The following LRRC45 variants were observed in gnomAD, a reference collection of about 807,000 sequenced individuals.
LRRC45 encodes leucine rich repeat containing 45.
Under a neutral mutation model 85.4 loss-of-function variants are expected in LRRC45, and 73 were observed. The observed-to-expected ratio is 0.85, with a 90% CI of 0.71 to 1.04. LRRC45 has a LOEUF of 1.04. Ranked by LOEUF, LRRC45 falls within the 50% of genes least tolerant of loss-of-function variation. The pLI, the probability that LRRC45 is intolerant of heterozygous loss-of-function variation, is 0.00. For missense variants in LRRC45, 937 were observed against 883.3 expected (o/e 1.06, Z -0.77); for synonymous variants, 429 against 386.0 (o/e 1.11, Z -1.31).
Position 82,030,450 on chromosome 17 carries a change from G to A in LRRC45, c.1800G>A (p.Leu600=). ...QEALREKAAA[L]ERQLKVMASD... is the part of the protein sequence containing the mutation. ...CGCTGAGGGAGAAGGCGGCGGCCCT[G>A]GAGCGCCAGCTGAAAGGTGAGCCAG... The change falls in exon 16 of 17, where the codon CTG becomes CTA. Residue 600 remains leucine, a synonymous_variant. Transcript: ENST00000306688. The A allele has an allele frequency of 6.5e-7, 1 of 1,546,122 alleles. No individual in the cohort carries two copies. The highest frequency in any genetic ancestry group is 1.8e-4 in the Middle Eastern group (1 of 5,524).
chr17:82,025,574 G>T, intron 5 of LRRC45, 67 bp downstream of exon 5: 1 of 1,463,056 alleles, frequency 6.8e-7, no homozygotes, highest in South Asian at 1.5e-5. Context: ...CGAGGGCGGG[G>T]TGCCGGGCTC....
At chr17:82,027,937 G>A (rs895528955) in intron 8 of LRRC45, 74 bp from the exon 9 acceptor site, 1 of 1,544,000 alleles carries the variant, frequency 6.5e-7, no homozygotes, top group African/African-American at 1.4e-5. Flanking sequence ...CCCAGCAACA[G>A]TGAAAGCAGC....
rs2043416360 is a variant in LRRC45, at chr17:82,030,944, G to GT, written c.*140dup. On this transcript the variant is annotated 3_prime_UTR_variant, in exon 17 of 17. Coordinates refer to ENST00000306688, the MANE Select transcript of LRRC45 (RefSeq NM_144999.4). Reference sequence around the variant, plus strand: ...GCGGCGGTTGCGGCGACTGTTGGTGGTGTCGCGGCTGCGGGGGAACCCCGT... The same window carrying GT: ...GCGGCGGTTGCGGCGACTGTTGGTGGTTGTCGCGGCTGCGGGGGAACCCCGT... 3.2e-6 allele frequency: 2 copies of GT among 621,934 alleles called. No individual in the cohort carries two copies. The highest frequency in any genetic ancestry group is 1.6e-4 in the South Asian group (2 of 12,478). 38.5% of individuals were successfully genotyped at this position (621,934 alleles called of 1,614,324 possible).
intron 5 of LRRC45, among the ~76,000 whole-genome samples, chr17:82,026,564 T>TGTG (rs1555644848): frequency 2.4e-4 from 33 of 137,570 alleles, no homozygotes; most frequent in African/African-American, 8.8e-4. Context: ...CACAGCTCCT[T>TGTG]TGTGTGTGTG....
intron 6 of LRRC45, 56 bp downstream of exon 6, chr17:82,027,067 A>C (rs1568014842): frequency 1.4e-6 from 2 of 1,405,484 alleles, no homozygotes; most frequent in East Asian, 4.8e-5. Flanking sequence ...GGGCCTGGCC[A>C]CGTCCTTCCT....
Position 82,024,025 on chromosome 17 carries a change from C to G in LRRC45, c.220+162C>G, listed in dbSNP as rs1237555609. The G allele has an allele frequency of 5.5e-6, 4 of 732,264 alleles. No homozygotes were observed. In the East Asian group the frequency reaches 8.2e-5, roughly 15 times the overall value. 45.4% of individuals were successfully genotyped at this position (732,264 alleles called of 1,614,324 possible). A position where few individuals can be genotyped will look rare whatever the true frequency, so the allele number is the denominator to read the frequency against. On this transcript the variant is annotated intron_variant, in intron 1 of 16. Transcript: ENST00000306688. ...CACCTGGGAGTAGAGGGCAGTTCCTCTGTATGACGGGGGAGAGGCCTTAAC... is the reference window on the plus strand; with the variant it reads ...CACCTGGGAGTAGAGGGCAGTTCCTGTGTATGACGGGGGAGAGGCCTTAAC...
At position 82,027,385 on chromosome 17, in the gene LRRC45, G is replaced by T. The variant is rs368250722; in HGVS notation, c.775-1G>T. 48 of 1,612,498 alleles carry T rather than the reference G, an allele frequency of 3.0e-5. No homozygotes were observed. Among genetic ancestry groups the T allele is most frequent in the Non-Finnish European group, 3.8e-5 (45 of 1,179,952 alleles). On this transcript the variant is annotated splice_acceptor_variant, in intron 6 of 16. Transcript: ENST00000306688. LOFTEE classifies it high-confidence loss of function. ...AGGGCTGCGGCTGTCTCTGTCCCCA[G>T]TTCCTCGACTTGATGGAGACTATTG...
At chr17:82,028,728 G>C (rs2043390473) in intron 12 of LRRC45, 45 bp downstream of exon 12, 7 of 1,572,080 alleles carry the variant, frequency 4.5e-6, no homozygotes, top group Non-Finnish European at 5.2e-6. Context: ...CTCTGGTCTT[G>C]GTGTCACGCA....
At position 82,030,051 on chromosome 17, in the gene LRRC45, C is replaced by G; in HGVS notation, c.1495-14C>G. On this transcript the variant is annotated splice_polypyrimidine_tract_variant and intron_variant, in intron 14 of 16. Transcript: ENST00000306688. The stretch of plus-strand genomic sequence containing the variant: ...TGAGCCCCTCATGCTTCGTGGCGGC[C>G]CCTGTGCTCACAGCAACAGCGCCTG... 6.5e-7 allele frequency: 1 copy of G among 1,539,840 alleles called. No homozygotes were observed. Among genetic ancestry groups the G allele is most frequent in the South Asian group, 1.2e-5 (1 of 83,676 alleles).
intron 1 of LRRC45, 26 bp from the exon 2 acceptor site, chr17:82,024,252 A>T: frequency 6.2e-7 from 1 of 1,609,774 alleles, no homozygotes; most frequent in Non-Finnish European, 8.5e-7. Flanking sequence ...AGGGGCAGAG[A>T]GTGACCGCCG....
In LRRC45 at chr17:82,028,024, G is replaced by A. The variant is rs747281696; in HGVS notation, c.925G>A (p.Glu309Lys). 26 of 1,604,404 alleles carry A rather than the reference G, an allele frequency of 1.6e-5. No individual in the cohort carries two copies. Among genetic ancestry groups the A allele is most frequent in the Non-Finnish European group, 2.2e-5 (26 of 1,176,618 alleles). The change falls in exon 9 of 17, where the codon GAG becomes AAG. Residue 309 changes from glutamate to lysine, a missense_variant. By Grantham distance (56) the Glu-to-Lys change is moderately conservative. Coordinates refer to ENST00000306688, the MANE Select transcript of LRRC45 (RefSeq NM_144999.4). Reference sequence around the variant, plus strand: ...TCCTTTCTGCAGGCTGCAGATGACAGAGGCCGCCCTGGCTCTGTCGGAGCA... The same window carrying A: ...TCCTTTCTGCAGGCTGCAGATGACAAAGGCCGCCCTGGCTCTGTCGGAGCA... ...NALKAKLQMT[E>K]AALALSEQKA... is the part of the protein sequence containing the mutation.
At chr17:82,024,466 C>A (rs2043347744) in intron 2 of LRRC45, 127 bp downstream of exon 2, 3 of 1,158,222 alleles carry the variant, frequency 2.6e-6, no homozygotes, top group Admixed American at 4.3e-5. Flanking sequence ...AGTCCCCAGG[C>A]CGCTCTCTGA....
Position 82,026,925 on chromosome 17 carries a change from C to G in LRRC45, c.688C>G (p.Arg230Gly), listed in dbSNP as rs202017922. Residue 230 changes from arginine (R) to glycine (G), a missense_variant, in exon 6 of 17, where the codon CGG becomes GGG. Arg to Gly is a moderately radical substitution (Grantham distance 125). Transcript: ENST00000306688. ...VEQAMGHSQD[R>G]LTTFQENQAR... ...GCAAGCCATGGGCCACAGCCAGGAC[C>G]GGCTCACCACCTTCCAGGAGAACCA... 39 of 1,606,818 alleles carry G rather than the reference C, an allele frequency of 2.4e-5. No individual in the cohort carries two copies. The highest frequency in any genetic ancestry group is 3.1e-5 in the Non-Finnish European group (37 of 1,178,590).
chr17:82,031,141 A>C lies in LRRC45; in HGVS notation c.*336A>C, dbSNP rs2043418428. Reference sequence around the variant, plus strand: ...GGGTTTGGAAATACAGCGCGTTTGCACTTTGTGATACATTCTGGCCCCGCC... The same window carrying C: ...GGGTTTGGAAATACAGCGCGTTTGCCCTTTGTGATACATTCTGGCCCCGCC... On this transcript the variant is annotated 3_prime_UTR_variant, in exon 17 of 17. Transcript: ENST00000306688. 3.5e-6 allele frequency: 1 copy of C among 282,726 alleles called. No homozygotes were observed. 17.5% of individuals were successfully genotyped at this position (282,726 alleles called of 1,614,324 possible). A position where few individuals can be genotyped will look rare whatever the true frequency, so the allele number is the denominator to read the frequency against.
chr17:82,025,315 C>T, intron 4 of LRRC45, 64 bp from the exon 5 acceptor site: 3 of 1,530,916 alleles, frequency 2.0e-6, no homozygotes, highest in Admixed American at 3.9e-5. Context: ...GGGAAGCACC[C>T]CGGCCAGGCC....
At chr17:82,027,924 G>A in intron 8 of LRRC45, 87 bp from the exon 9 acceptor site, 2 of 1,534,700 alleles carry the variant, frequency 1.3e-6, no homozygotes, top group South Asian at 2.5e-5. Context: ...GGTTGACTAG[G>A]TGCCCAGCAA....
rs1196997806 is a variant in LRRC45, at chr17:82,030,078, C to A, written c.1508C>A (p.Ala503Asp). The A allele has an allele frequency of 3.2e-6, 5 of 1,545,250 alleles. No homozygotes were observed. Among genetic ancestry groups the A allele is most frequent in the Non-Finnish European group, 3.5e-6 (4 of 1,146,986 alleles). Residue 503 changes from alanine (A) to aspartate (D), a missense_variant, in exon 15 of 17, where the codon GCT becomes GAT. Physicochemically the swap from Ala to Asp is moderately radical, Grantham distance 126. Coordinates refer to ENST00000306688, the MANE Select transcript of LRRC45 (RefSeq NM_144999.4). ...CTGTGCTCACAGCAACAGCGCCTGG[C>A]TCACCTGGAGGACAAGCTGAGACTG... ...QARLEEQQRL[A>D]HLEDKLRLLA...
intron 5 of LRRC45, among the ~76,000 whole-genome samples, chr17:82,025,785 G>C (rs1447088133): frequency 2.0e-5 from 3 of 152,232 alleles, no homozygotes; most frequent in Non-Finnish European, 4.4e-5. Flanking sequence ...CTGAGGCCGT[G>C]TGGCTCACAG....
At chr17:82,027,977 A>C (rs1330981717) in intron 8 of LRRC45, 34 bp from the exon 9 acceptor site, 1 of 1,568,098 alleles carries the variant, frequency 6.4e-7, no homozygotes, top group Non-Finnish European at 8.6e-7. Context: ...TGAAACTCCA[A>C]CCGGGGCGGG....
Sources: allele counts gnomAD v4.1 joint callset (sites outside exome capture counted in the v4.1 genomes callset), GRCh38; gene constraint gnomAD v4.1.1; transcripts MANE v1.5; gene names NCBI Gene and HGNC (gene_info 2026-07-23, HGNC 2026-07-21).